The following BICD1 variants were observed in gnomAD, a reference collection of about 807,000 sequenced individuals.
BICD1 encodes protein bicaudal D homolog 1.
A neutral mutation model predicts 92.5 loss-of-function variants in BICD1; 35 were observed. That is an observed-to-expected ratio of 0.38 (90% CI 0.29 to 0.50). The LOEUF (loss-of-function observed/expected upper bound fraction) is 0.50. Ranked by LOEUF, BICD1 falls within the 20% of genes least tolerant of loss-of-function variation. The pLI is 0.93. For missense variants in BICD1, 950 were observed against 1,189.8 expected, an observed-to-expected ratio of 0.80 and a Z score of 2.97; for synonymous variants, 429 against 465.1, an observed-to-expected ratio of 0.92 and a Z score of 1.00.
chr12:32,209,531 C>T (rs1945153603), intron 1 of BICD1, among the ~76,000 whole-genome samples: 1 of 152,104 alleles, frequency 6.6e-6, no homozygotes, highest in African/African-American at 2.4e-5. Context: ...GATAGGGTAC[C>T]ATGTCAGGCC....
chr12:32,287,646 C>T (rs1366647171), intron 2 of BICD1, among the ~76,000 whole-genome samples: 1 of 151,630 alleles, frequency 6.6e-6, no homozygotes, highest in Non-Finnish European at 1.5e-5. Flanking sequence ...ACGCCATTCT[C>T]CTGCCTCAGC....
In BICD1 at chr12:32,327,535, A is replaced by C; in HGVS notation, c.1080A>C (p.Ala360=). 1 of 1,614,200 alleles carries C rather than the reference A, an allele frequency of 6.2e-7. No individual in the cohort carries two copies. The highest frequency in any genetic ancestry group is 8.5e-7 in the Non-Finnish European group (1 of 1,180,034). The change falls in exon 5 of 10, where the codon GCA becomes GCC. Residue 360 remains alanine, a synonymous_variant. Coordinates refer to ENST00000652176, the MANE Select transcript of BICD1 (RefSeq NM_001714.4). The part of the protein sequence containing the change: ...SQTQLEHTKG[A]LTEQHERVHR... ...CACAGCTGGAACACACCAAGGGGGC[A>C]CTGACGGAGCAGCATGAGCGGGTGC...
chr12:32,236,295 T>C (rs1946071842), intron 2 of BICD1, among the ~76,000 whole-genome samples: 4 of 151,904 alleles, frequency 2.6e-5, no homozygotes, highest in African/African-American at 9.7e-5. Context: ...CTTGGGAGGC[T>C]GAGGCAGGAG....
chr12:32,134,386 T>C (rs1199455202), intron 1 of BICD1, among the ~76,000 whole-genome samples: 1 of 152,226 alleles, frequency 6.6e-6, no homozygotes, highest in East Asian at 1.9e-4. Context: ...TGTAATGTGA[T>C]GATAACGTTG....
At position 32,291,398 on chromosome 12, in the gene BICD1, G is replaced by A. The variant is rs375098480; in HGVS notation, c.427-2596G>A. Among the ~76,000 whole-genome samples the A allele has an allele frequency of 1.8e-4, 27 of 152,164 alleles. No individual in the cohort carries two copies. In the East Asian group the frequency reaches 4.0e-3, roughly 23 times the overall value. On this transcript the variant is annotated intron_variant, in intron 2 of 9. Coordinates refer to ENST00000652176, the MANE Select transcript of BICD1 (RefSeq NM_001714.4). ...TAAAAAATTTAAAAATTAGCTGGGC[G>A]TGATGGTGTGCATCTGTAGGCCCAG... is the stretch of plus-strand genomic sequence containing the variant.
intron 2 of BICD1, among the ~76,000 whole-genome samples, chr12:32,217,914 G>A (rs1410442001): frequency 6.6e-6 from 1 of 152,188 alleles, no homozygotes; most frequent in Non-Finnish European, 1.5e-5. Flanking sequence ...TGTGCAAGTT[G>A]GCAGAGAGGA....
At position 32,201,425 on chromosome 12, in the gene BICD1, G is replaced by A. The variant is rs543781599; in HGVS notation, c.214-14822G>A. On this transcript the variant is annotated intron_variant, in intron 1 of 9. Transcript: ENST00000652176. ...TGTAATGAAGTCTTGGTATTCCAGC[G>A]ATTTGGCACCTAAATGCATAGGCAC... is the stretch of plus-strand genomic sequence containing the variant. Among the ~76,000 whole-genome samples the A allele has an allele frequency of 3.9e-5, 6 of 152,156 alleles. No homozygotes were observed. In the South Asian group the frequency reaches 6.2e-4, roughly 16 times the overall value.
At chr12:32,254,627 T>G (rs541380499) in intron 2 of BICD1, among the ~76,000 whole-genome samples, 1 of 152,310 alleles carries the variant, frequency 6.6e-6, no homozygotes, top group Non-Finnish European at 1.5e-5. Flanking sequence ...AGCAGCACAT[T>G]GTGTGGTCAC....
intron 8 of BICD1, among the ~76,000 whole-genome samples, chr12:32,354,660 C>T (rs1388921269): frequency 6.6e-6 from 1 of 152,050 alleles, no homozygotes; most frequent in Non-Finnish European, 1.5e-5. Context: ...GGATGTAATA[C>T]GTTTGGTGAA....
chr12:32,376,882 G>C (rs996920422), intron 9 of BICD1, among the ~76,000 whole-genome samples: 24 of 143,664 alleles, frequency 1.7e-4, no homozygotes, highest in Non-Finnish European at 3.2e-4. Flanking sequence ...AAAAAGGGGG[G>C]GGGGGGTGAA....
chr12:32,373,093 A>G (rs1056243600), intron 9 of BICD1, among the ~76,000 whole-genome samples: 1 of 152,158 alleles, frequency 6.6e-6, no homozygotes, highest in African/African-American at 2.4e-5. Context: ...GGGAAAAAAA[A>G]AGAAACTTCC....
At chr12:32,302,121 C>T (rs140630885) in intron 3 of BICD1, among the ~76,000 whole-genome samples, 408 of 152,188 alleles carry the variant, frequency 2.7e-3, no homozygotes, top group Non-Finnish European at 4.6e-3. Flanking sequence ...CTCCTGACCT[C>T]GTGATCCGCC....
intron 2 of BICD1, among the ~76,000 whole-genome samples, chr12:32,281,974 C>G (rs763742589): frequency 6.6e-6 from 1 of 152,224 alleles, no homozygotes; most frequent in Non-Finnish European, 1.5e-5. Flanking sequence ...CCAATAAACA[C>G]ACAAAGAAAT....
intron 2 of BICD1, among the ~76,000 whole-genome samples, chr12:32,282,624 G>A (rs1947450220): frequency 6.6e-6 from 1 of 152,152 alleles, no homozygotes; most frequent in Non-Finnish European, 1.5e-5. Context: ...CCTGGATGAG[G>A]TTGCCTTTGG....
intron 3 of BICD1, among the ~76,000 whole-genome samples, chr12:32,303,770 T>G (rs1486980746): frequency 6.6e-6 from 1 of 152,132 alleles, no homozygotes; most frequent in Non-Finnish European, 1.5e-5. Context: ...ACCTCCATAC[T>G]GTTACATAAG....
chr12:32,162,100 G>C (rs983720984), intron 1 of BICD1, among the ~76,000 whole-genome samples: 3 of 152,186 alleles, frequency 2.0e-5, no homozygotes, highest in Admixed American at 1.3e-4. Flanking sequence ...GCCTTCGTGA[G>C]CAGGCTTGAT....
At chr12:32,324,333 G>A (rs1402857322) in intron 4 of BICD1, among the ~76,000 whole-genome samples, 1 of 133,126 alleles carries the variant, frequency 7.5e-6, no homozygotes, top group Non-Finnish European at 1.5e-5. Flanking sequence ...TCAGCCTGGT[G>A]ACAGAGCTAG....
intron 8 of BICD1, among the ~76,000 whole-genome samples, chr12:32,344,261 G>A (rs1327642859): frequency 6.6e-6 from 1 of 152,182 alleles, no homozygotes; most frequent in African/African-American, 2.4e-5. Flanking sequence ...GTCGTAAGAA[G>A]AACCTTATAG....
At chr12:32,188,195 C>T (rs1944472766) in intron 1 of BICD1, among the ~76,000 whole-genome samples, 3 of 152,180 alleles carry the variant, frequency 2.0e-5, no homozygotes, top group African/African-American at 7.2e-5. Context: ...ACCTCGGCCT[C>T]CCAAAGTACT....
Sources: allele counts gnomAD v4.1 joint callset (sites outside exome capture counted in the v4.1 genomes callset), GRCh38; gene constraint gnomAD v4.1.1; transcripts MANE v1.5; gene names NCBI Gene and HGNC (gene_info 2026-07-23, HGNC 2026-07-21).